Variants in PDE1A observed in about 807,000 individuals in gnomAD.
PDE1A encodes the protein phosphodiesterase 1A.
Under a neutral mutation model 61.7 loss-of-function variants are expected in PDE1A, and 35 were observed. That is an observed-to-expected ratio of 0.57 (90% CI 0.43 to 0.75). The LOEUF is 0.75. Among genes scored for constraint, PDE1A ranks in the 30% least tolerant of loss-of-function variants. The pLI is 0.00. For missense variants in PDE1A, 597 were observed against 630.6 expected, an observed-to-expected ratio of 0.95 and a Z score of 0.57; for synonymous variants, 232 against 213.2, an observed-to-expected ratio of 1.09 and a Z score of -0.77.
upstream of PDE1A, among the ~76,000 whole-genome samples, chr2:182,526,083 A>T (rs1233782948): frequency 1.3e-5 from 2 of 152,166 alleles, no homozygotes; most frequent in Non-Finnish European, 2.9e-5. Context: ...AAAGTGGATT[A>T]AATTCATCAA....
At chr2:182,339,659 G>T (rs1352287702) in intron 1 of PDE1A, among the ~76,000 whole-genome samples, 1 of 152,110 alleles carries the variant, frequency 6.6e-6, no homozygotes, top group East Asian at 1.9e-4. Flanking sequence ...TGAACAATTG[G>T]GAGTTAAAAG....
At chr2:182,198,491 A>C (rs1429015829) in intron 10 of PDE1A, among the ~76,000 whole-genome samples, 3 of 151,858 alleles carry the variant, frequency 2.0e-5, no homozygotes, top group African/African-American at 4.8e-5. Flanking sequence ...TAGACCTTTG[A>C]TCAGGTTGAG....
At chr2:182,607,315 T>C in the PDE1A span, among the ~76,000 whole-genome samples, 1 of 152,184 alleles carries the variant, frequency 6.6e-6, no homozygotes. Context: ...AAATAAACCA[T>C]AAATATCAGT....
the PDE1A span, among the ~76,000 whole-genome samples, chr2:182,629,511 G>A: frequency 6.6e-6 from 1 of 152,042 alleles, no homozygotes; most frequent in Non-Finnish European, 1.5e-5. Context: ...TCTTACTTAT[G>A]TTTCAAAACT....
chr2:182,245,486 C>T (rs1038788740), intron 2 of PDE1A, among the ~76,000 whole-genome samples: 15 of 152,108 alleles, frequency 9.9e-5, no homozygotes, highest in African/African-American at 3.6e-4. Context: ...AAAAAAATCC[C>T]TATACTTCAT....
intron 1 of PDE1A, among the ~76,000 whole-genome samples, chr2:182,323,082 A>G (rs1005101175): frequency 1.7e-4 from 26 of 152,228 alleles, no homozygotes; most frequent in African/African-American, 6.0e-4. Flanking sequence ...TTATTACAAA[A>G]TAAAACAAAT....
the PDE1A span, among the ~76,000 whole-genome samples, chr2:182,670,090 T>C: frequency 6.6e-6 from 1 of 152,200 alleles, no homozygotes; most frequent in Non-Finnish European, 1.5e-5. Flanking sequence ...GCCATGCAGA[T>C]ATCTTGTCCA....
chr2:182,625,036 A>T, the PDE1A span, among the ~76,000 whole-genome samples: 5 of 152,120 alleles, frequency 3.3e-5, no homozygotes, highest in Admixed American at 2.6e-4. Context: ...ATAGATTTAG[A>T]TGAGATCGTG....
chr2:182,352,844 T>C (rs1199036645), intron 1 of PDE1A, among the ~76,000 whole-genome samples: 3 of 151,942 alleles, frequency 2.0e-5, no homozygotes, highest in Non-Finnish European at 2.9e-5. Flanking sequence ...TCTTGAGTCA[T>C]AGAAACTATC....
At chr2:182,356,818 TA>T (rs1699209327) in intron 1 of PDE1A, among the ~76,000 whole-genome samples, 1 of 152,178 alleles carries the variant, frequency 6.6e-6, no homozygotes, top group Non-Finnish European at 1.5e-5. Context: ...TAAGAAAATG[TA>T]GCACATATAC....
the PDE1A span, among the ~76,000 whole-genome samples, chr2:182,659,754 A>C: frequency 6.6e-6 from 1 of 152,212 alleles, no homozygotes; most frequent in Non-Finnish European, 1.5e-5. Context: ...AAGCATTATG[A>C]GATACTTATG....
intron 6 of PDE1A, among the ~76,000 whole-genome samples, chr2:182,226,080 T>G (rs1689116920): frequency 6.7e-6 from 1 of 149,718 alleles, no homozygotes; most frequent in South Asian, 2.1e-4. Flanking sequence ...ACCCATTGTT[T>G]TATTAAAGAA....
the PDE1A span, among the ~76,000 whole-genome samples, chr2:182,650,962 C>T: frequency 6.6e-6 from 1 of 152,064 alleles, no homozygotes; most frequent in South Asian, 2.1e-4. Flanking sequence ...GTAGAGTGCC[C>T]TCTAGAGTCT....
the PDE1A span, among the ~76,000 whole-genome samples, chr2:182,541,342 C>A: frequency 1.2e-3 from 178 of 152,282 alleles, no homozygotes; most frequent in African/African-American, 3.9e-3. Context: ...ATTCCAGTTT[C>A]TTCATCTATA....
chr2:182,622,770 A>G, the PDE1A span, among the ~76,000 whole-genome samples: 1 of 152,184 alleles, frequency 6.6e-6, no homozygotes, highest in Non-Finnish European at 1.5e-5. Context: ...AGGGACTCTG[A>G]GAGCCTGGTG....
chr2:182,511,968 A>G lies in PDE1A; in HGVS notation c.101+10308T>C, dbSNP rs764328914. Reference sequence around the variant, plus strand: ...TGTGTCCTGCAGCTGCCCAACATACATGCGTGGACCACACTGCCCCACCAC... The same window carrying G: ...TGTGTCCTGCAGCTGCCCAACATACGTGCGTGGACCACACTGCCCCACCAC... On this transcript the variant is annotated intron_variant, in intron 2 of 14. Coordinates refer to the PDE1A transcript ENST00000410103. Among the ~76,000 whole-genome samples, 4 of 152,114 alleles carry G rather than the reference A, an allele frequency of 2.6e-5. No individual in the cohort carries two copies. The South Asian group carries it at 6.2e-4, about 24-fold the overall frequency.
At chr2:182,473,992 G>C (rs1464833296) in intron 2 of PDE1A, among the ~76,000 whole-genome samples, 1 of 151,944 alleles carries the variant, frequency 6.6e-6, no homozygotes, top group Admixed American at 6.6e-5. Context: ...ATATTCCTTT[G>C]GGTATATACC....
rs79501800 is a variant in PDE1A, at chr2:182,223,020, C to T, written c.776+844G>A. On this transcript the variant is annotated intron_variant, in intron 7 of 13. Transcript: ENST00000351439. ...TAAAATTCATGTGTTGAAGCCCTAA[C>T]TCTCAGTGTGTCTGTATTTGGAGAC... Among the ~76,000 whole-genome samples, 1,467 of 152,068 alleles carry T rather than the reference C, an allele frequency of 9.6e-3. 25 individuals are homozygous for T. The highest frequency in any genetic ancestry group is 0.033 in the African/African-American group (1,385 of 41,502).
chr2:182,384,407 A>T (rs1700905898), intron 1 of PDE1A, among the ~76,000 whole-genome samples: 2 of 151,422 alleles, frequency 1.3e-5, no homozygotes, highest in Non-Finnish European at 2.9e-5. Flanking sequence ...AAATGATTCA[A>T]CAAAATGAGA....
Sources: gnomAD v4.1 joint callset for allele counts (sites outside exome capture counted in the v4.1 genomes callset) on GRCh38, gnomAD v4.1.1 for gene constraint, MANE v1.5 for transcripts, NCBI Gene and HGNC (gene_info 2026-07-23, HGNC 2026-07-21) for gene names.